The following MYO5A variants were observed in gnomAD, a reference collection of about 807,000 sequenced individuals.
The protein encoded by MYO5A is unconventional myosin-Va.
A neutral mutation model predicts 249.7 loss-of-function variants in MYO5A; 98 were observed. The observed-to-expected ratio is 0.39, with a 90% CI of 0.33 to 0.46. The LOEUF is 0.46. MYO5A is among the 20% of genes least tolerant of loss of function. MYO5A has a pLI of 0.98. For synonymous variants in MYO5A, 778 were observed against 810.6 expected (o/e 0.96, Z 0.68); for missense variants, 1,696 against 2,308.8 (o/e 0.73, Z 5.44).
chr15:52,416,424 G>A (rs1481990238), intron 4 of MYO5A, 123 bp from the exon 5 acceptor site: 2 of 941,096 alleles, frequency 2.1e-6, no homozygotes, highest in East Asian at 2.6e-5. Context: ...CGATACTGGT[G>A]CTTATAACAC....
At chr15:52,353,231 A>G (rs773145118) in intron 27 of MYO5A, among the ~76,000 whole-genome samples, 4 of 152,220 alleles carry the variant, frequency 2.6e-5, no homozygotes, top group Non-Finnish European at 5.9e-5. Context: ...CACACTACAG[A>G]GAATGTTTTT....
intron 4 of MYO5A, among the ~76,000 whole-genome samples, chr15:52,418,518 T>A (rs1466683589): frequency 2.0e-5 from 3 of 151,834 alleles, no homozygotes; most frequent in Non-Finnish European, 4.4e-5. Context: ...AAAGGAAGGG[T>A]ATGGAACCAG....
At chr15:52,426,519 A>T (rs150064538) in intron 3 of MYO5A, among the ~76,000 whole-genome samples, 1 of 152,144 alleles carries the variant, frequency 6.6e-6, no homozygotes, top group African/African-American at 2.4e-5. Flanking sequence ...CTGGAGTGCA[A>T]TGTTACTATC....
chr15:52,337,720 G>T, intron 33 of MYO5A, 90 bp downstream of exon 33: 1 of 946,224 alleles, frequency 1.1e-6, no homozygotes, highest in Non-Finnish European at 1.6e-6. Context: ...GAGACTTCCT[G>T]GGAGGGGGCA....
chr15:52,437,110 C>T (rs1242885974), intron 1 of MYO5A, among the ~76,000 whole-genome samples: 1 of 152,184 alleles, frequency 6.6e-6, no homozygotes, highest in African/African-American at 2.4e-5. Context: ...ATTTGTTTTA[C>T]AACTTTTTTC....
At chr15:52,323,676 A>C (rs1015526176) in intron 36 of MYO5A, 11 of 431,852 alleles carry the variant, frequency 2.5e-5, no homozygotes, top group Non-Finnish European at 4.3e-5. Context: ...AGAAAATTAA[A>C]CTGATGCGAA....
intron 27 of MYO5A, 100 bp from the exon 28 acceptor site, chr15:52,351,581 G>T: frequency 8.6e-7 from 1 of 1,159,074 alleles, no homozygotes; most frequent in Non-Finnish European, 1.3e-6. Flanking sequence ...TGCTGAAAAA[G>T]TTCATCAGAG....
chr15:52,344,715 T>G (rs1223348861), intron 30 of MYO5A, among the ~76,000 whole-genome samples: 1 of 152,222 alleles, frequency 6.6e-6, no homozygotes, highest in Non-Finnish European at 1.5e-5. Context: ...ATTCTCCTAC[T>G]TAACACCTTT....
intron 34 of MYO5A, among the ~76,000 whole-genome samples, chr15:52,332,747 T>C (rs2038946410): frequency 6.6e-6 from 1 of 152,168 alleles, no homozygotes; most frequent in Non-Finnish European, 1.5e-5. Flanking sequence ...GCAGATCACC[T>C]GAGTTCAGGA....
At chr15:52,423,011 C>T (rs1462387017) in intron 4 of MYO5A, among the ~76,000 whole-genome samples, 1 of 152,174 alleles carries the variant, frequency 6.6e-6, no homozygotes, top group Non-Finnish European at 1.5e-5. Context: ...ACGTGCGCCA[C>T]CATGCCCAGC....
chr15:52,346,543 G>A lies in MYO5A; in HGVS notation c.3859-82C>T, dbSNP rs79438311. ...AAAACACATTTATTTGGTATAACTG[G>A]GGGGCAGTGGTTATGTGCTCCACCA... On this transcript the variant is annotated intron_variant, in intron 29 of 41. Coordinates refer to ENST00000399233, the MANE Select transcript of MYO5A (RefSeq NM_001382347.1). 3,083 of 864,114 alleles carry A rather than the reference G, an allele frequency of 3.6e-3. 69 individuals are homozygous for A. In the African/African-American group the frequency reaches 0.044, roughly 12 times the overall value. 53.5% of individuals were successfully genotyped at this position (864,114 alleles called of 1,614,324 possible).
At chr15:52,451,613 C>T (rs1294132849) in intron 1 of MYO5A, among the ~76,000 whole-genome samples, 1 of 152,168 alleles carries the variant, frequency 6.6e-6, no homozygotes, top group Non-Finnish European at 1.5e-5. Context: ...ACTGCTTAGC[C>T]CCTCTATTCA....
At chr15:52,319,696 G>A (rs533647804) in intron 38 of MYO5A, among the ~76,000 whole-genome samples, 1 of 152,230 alleles carries the variant, frequency 6.6e-6, no homozygotes, top group East Asian at 1.9e-4. Flanking sequence ...ACATATCTGG[G>A]CTCCAGGCTG....
intron 24 of MYO5A, among the ~76,000 whole-genome samples, chr15:52,361,355 G>T (rs1596342695): frequency 6.6e-6 from 1 of 152,152 alleles, no homozygotes; most frequent in African/African-American, 2.4e-5. Context: ...CCAGGACAAA[G>T]ATTTTTAATA....
At chr15:52,342,918 A>G (rs921349178) in intron 31 of MYO5A, among the ~76,000 whole-genome samples, 199 bp downstream of exon 31, 2 of 152,042 alleles carry the variant, frequency 1.3e-5, no homozygotes, top group Admixed American at 1.3e-4. Context: ...TCCGTCTAAA[A>G]AAGAAAAAAA....
chr15:52,416,344 C>A, intron 4 of MYO5A, 43 bp from the exon 5 acceptor site: 1 of 1,589,710 alleles, frequency 6.3e-7, no homozygotes, highest in South Asian at 1.1e-5. Flanking sequence ...CCATTGCTGC[C>A]TATAGCAGGA....
chr15:52,518,798 T>C (rs55876643), intron 1 of MYO5A, among the ~76,000 whole-genome samples: 23,024 of 152,220 alleles, frequency 0.15, 1,845 homozygotes, highest in Middle Eastern at 0.22. Context: ...CACATAAACA[T>C]GCTCACAAAC....
At chr15:52,347,286 T>C (rs922269340) in intron 29 of MYO5A, among the ~76,000 whole-genome samples, 5 of 152,092 alleles carry the variant, frequency 3.3e-5, no homozygotes. Flanking sequence ...GTTCCACACA[T>C]GGAACTATGT....
intron 1 of MYO5A, among the ~76,000 whole-genome samples, chr15:52,481,219 G>A (rs186805350): frequency 6.6e-6 from 1 of 152,334 alleles, no homozygotes. Context: ...ACACATTGCT[G>A]CAACAGATGC....
Sources: gnomAD v4.1 joint callset for allele counts (sites outside exome capture counted in the v4.1 genomes callset) on GRCh38, gnomAD v4.1.1 for gene constraint, MANE v1.5 for transcripts, NCBI Gene and HGNC (gene_info 2026-07-23, HGNC 2026-07-21) for gene names.